Variants in PRKCH observed in about 807,000 individuals in gnomAD.
The protein encoded by PRKCH is protein kinase C eta type.
In PRKCH, 28 loss-of-function variants were observed where a neutral mutation model predicts 82.5. The observed-to-expected ratio is 0.34, with a 90% CI of 0.25 to 0.47. The LOEUF is 0.47. Among genes scored for constraint, PRKCH ranks in the 20% least tolerant of loss-of-function variants. The pLI is 1.00. For synonymous variants in PRKCH, 322 were observed against 327.4 expected, an observed-to-expected ratio of 0.98 and a Z score of 0.18; for missense variants, 705 against 881.8, an observed-to-expected ratio of 0.80 and a Z score of 2.54.
chr14:61,345,431 A>T (rs567358469), intron 1 of PRKCH, among the ~76,000 whole-genome samples: 1 of 152,224 alleles, frequency 6.6e-6, no homozygotes, highest in Non-Finnish European at 1.5e-5. Context: ...CAACATTTGT[A>T]TATGGAGGCA....
At chr14:61,512,697 A>G (rs923506388) in intron 10 of PRKCH, among the ~76,000 whole-genome samples, 46 of 152,156 alleles carry the variant, frequency 3.0e-4, no homozygotes, top group Non-Finnish European at 6.3e-4. Flanking sequence ...AATTTTACAC[A>G]AGATATACAG....
chr14:61,518,597 G>T (rs370477692), intron 10 of PRKCH, among the ~76,000 whole-genome samples: 1 of 152,054 alleles, frequency 6.6e-6, no homozygotes, highest in Non-Finnish European at 1.5e-5. Context: ...CAGCGAATGG[G>T]GTTTTTTGGG....
Position 61,322,047 on chromosome 14 carries a change from G to A in PRKCH, c.-55G>A, listed in dbSNP as rs1416528355. On this transcript the variant is annotated 5_prime_UTR_variant, in exon 1 of 14. Coordinates refer to ENST00000332981, the MANE Select transcript of PRKCH (RefSeq NM_006255.5). ...AGGGCTGGCCTGAGACGGGACTCCC[G>A]GTTCTCCCGCTGCGAAGCAGCGCGG... is the stretch of plus-strand genomic sequence containing the variant. 1 of 1,484,338 alleles carries A rather than the reference G, an allele frequency of 6.7e-7. No homozygotes were observed. The highest frequency in any genetic ancestry group is 2.3e-5 in the Admixed American group (1 of 43,814). The allele number at this position is 1,484,338 out of a possible 1,614,324, so 91.9% of individuals were successfully genotyped here.
intron 2 of PRKCH, 135 bp from the exon 3 acceptor site, chr14:61,442,975 AG>A (rs1884048662): frequency 2.5e-6 from 2 of 812,258 alleles, no homozygotes; most frequent in South Asian, 1.9e-5. Flanking sequence ...TAATGATTTT[AG>A]GGGGGATGGT....
At chr14:61,210,784 C>CTGTGTGTGTGTG (rs1327649647) in intron 1 of PRKCH, among the ~76,000 whole-genome samples, 6 of 95,934 alleles carry the variant, frequency 6.3e-5, no homozygotes, top group African/African-American at 1.9e-4. Flanking sequence ...CTCTCTCTCT[C>CTGTGTGTGTGTG]TCTCTCTGTG....
chr14:61,325,094 T>C (rs1174046073), intron 1 of PRKCH, among the ~76,000 whole-genome samples: 1 of 152,210 alleles, frequency 6.6e-6, no homozygotes, highest in African/African-American at 2.4e-5. Context: ...AAATCTAAGT[T>C]TGTTGTAGAA....
At position 61,480,946 on chromosome 14, in the gene PRKCH, G is replaced by A. The variant is rs555178473; in HGVS notation, c.1279-4556G>A. ...CTCAGTCCCCACTCCAGCCTGACTT[G>A]CATACCCTCATCCTTCTAGGCTGGG... is the stretch of plus-strand genomic sequence containing the variant. On this transcript the variant is annotated intron_variant, in intron 9 of 13. Coordinates refer to ENST00000332981, the MANE Select transcript of PRKCH (RefSeq NM_006255.5). Among the ~76,000 whole-genome samples, 29 of 152,186 alleles carry A rather than the reference G, an allele frequency of 1.9e-4. No individual in the cohort carries two copies. The South Asian group carries it at 5.6e-3, about 29-fold the overall frequency.
intron 1 of PRKCH, among the ~76,000 whole-genome samples, chr14:61,385,839 C>G (rs767949351): frequency 1.1e-4 from 16 of 152,184 alleles, no homozygotes; most frequent in Non-Finnish European, 1.9e-4. Flanking sequence ...GGCATAATGA[C>G]TACAACATGA....
chr14:61,521,199 TGATCAATTTTATATAA>T (rs2042901938), intron 10 of PRKCH, among the ~76,000 whole-genome samples: 1 of 152,222 alleles, frequency 6.6e-6, no homozygotes, highest in Non-Finnish European at 1.5e-5. Flanking sequence ...TTTTCAGGAA[TGATCAATTTTATATAA>T]TGAAAATATT....
At chr14:61,411,595 C>T (rs144581953) in intron 2 of PRKCH, among the ~76,000 whole-genome samples, 4 of 152,326 alleles carry the variant, frequency 2.6e-5, no homozygotes, top group Non-Finnish European at 5.9e-5. Context: ...GGTGAGACCT[C>T]TGAGTTTTTT....
At chr14:61,443,825 A>G (rs1377393082) in intron 3 of PRKCH, among the ~76,000 whole-genome samples, 1 of 152,226 alleles carries the variant, frequency 6.6e-6, no homozygotes, top group African/African-American at 2.4e-5. Flanking sequence ...ATCTTACTAG[A>G]CATACAACTG....
At chr14:61,315,773 G>T (rs1490016631) in intron 1 of PRKCH, among the ~76,000 whole-genome samples, 1 of 132,566 alleles carries the variant, frequency 7.5e-6, no homozygotes, top group Non-Finnish European at 1.6e-5. Flanking sequence ...TTTTTGAGAC[G>T]GAGTCGCTCT....
chr14:61,243,766 A>G (rs2044859686), intron 1 of PRKCH, among the ~76,000 whole-genome samples: 1 of 152,156 alleles, frequency 6.6e-6, no homozygotes, highest in Non-Finnish European at 1.5e-5. Context: ...CAATGGACTC[A>G]TCCTATATAT....
At chr14:61,384,486 A>G (rs1047960003) in intron 1 of PRKCH, among the ~76,000 whole-genome samples, 1 of 151,408 alleles carries the variant, frequency 6.6e-6, no homozygotes, top group Non-Finnish European at 1.5e-5. Flanking sequence ...GGCAAAGAAG[A>G]TTGAATGGCC....
intron 9 of PRKCH, among the ~76,000 whole-genome samples, chr14:61,478,179 C>T (rs563396586): frequency 2.0e-5 from 3 of 152,340 alleles, no homozygotes; most frequent in East Asian, 3.9e-4. Context: ...ATGCCAGACA[C>T]TATTCAAAGC....
chr14:61,266,798 A>T (rs768984205), intron 1 of PRKCH, among the ~76,000 whole-genome samples: 1 of 152,188 alleles, frequency 6.6e-6, no homozygotes, highest in Non-Finnish European at 1.5e-5. Context: ...CTGATATAAG[A>T]ATCTGTGTAT....
chr14:61,325,325 A>G (rs189909859), intron 1 of PRKCH, among the ~76,000 whole-genome samples: 1 of 152,312 alleles, frequency 6.6e-6, no homozygotes, highest in East Asian at 1.9e-4. Flanking sequence ...CACATATATG[A>G]CCCACTGATT....
chr14:61,192,131 T>A (rs1271669364), intron 1 of PRKCH, among the ~76,000 whole-genome samples: 1 of 152,050 alleles, frequency 6.6e-6, no homozygotes, highest in Non-Finnish European at 1.5e-5. Flanking sequence ...AATAGGAAGG[T>A]TTTAAGCAGT....
chr14:61,506,746 G>A (rs1887168625), intron 10 of PRKCH, among the ~76,000 whole-genome samples: 1 of 152,174 alleles, frequency 6.6e-6, no homozygotes, highest in South Asian at 2.1e-4. Context: ...ATGAAATAGT[G>A]TGGAACAGTA....
Sources: gnomAD v4.1 joint callset for allele counts (sites outside exome capture counted in the v4.1 genomes callset) on GRCh38, gnomAD v4.1.1 for gene constraint, MANE v1.5 for transcripts, NCBI Gene and HGNC (gene_info 2026-07-23, HGNC 2026-07-21) for gene names.